NAV3: variants seen among roughly 807,000 people sequenced by gnomAD.
NAV3 encodes the protein pore membrane and/or filament interacting like protein 1.
Under a neutral mutation model 244.7 loss-of-function variants are expected in NAV3, and 87 were observed. The observed-to-expected ratio is 0.36, with a 90% CI of 0.30 to 0.42. The LOEUF is 0.42. Ranked by LOEUF, NAV3 falls within the 20% of genes least tolerant of loss-of-function variation. NAV3 has a pLI of 1.00. For synonymous variants in NAV3, 1,126 were observed against 1,042.2 expected (o/e 1.08, Z -1.55); for missense variants, 2,663 against 2,893.3 (o/e 0.92, Z 1.83).
At position 78,212,143 on chromosome 12, in the gene NAV3, A is replaced by T. The variant is rs963269469; in HGVS notation, c.*1626A>T. On this transcript the variant is annotated 3_prime_UTR_variant, in exon 40 of 40. Transcript: ENST00000397909. ...TGCTTCAAAACTGTACATGAAGCCA[A>T]TATATTTTTGGATAAGTAAAACTGT... The T allele has an allele frequency of 1.3e-5, 2 of 152,586 alleles. No homozygotes were observed. The highest frequency in any genetic ancestry group is 6.6e-5 in the Admixed American group (1 of 15,262). 9.5% of individuals were successfully genotyped at this position (152,586 alleles called of 1,614,324 possible).
intron 2 of NAV3, among the ~76,000 whole-genome samples, chr12:77,664,333 A>G (rs1873616308): frequency 6.6e-6 from 1 of 152,224 alleles, no homozygotes; most frequent in African/African-American, 2.4e-5. Flanking sequence ...TATTCAATGA[A>G]GAATGAGGTA....
At chr12:77,947,570 A>G (rs954830258) in intron 3 of NAV3, 5 of 152,042 alleles carry the variant, frequency 3.3e-5, no homozygotes, top group African/African-American at 1.2e-4. Flanking sequence ...TTGCTAAGTT[A>G]GTCCAGTCAC....
intron 1 of NAV3, among the ~76,000 whole-genome samples, chr12:77,920,632 C>T (rs1212987602): frequency 1.3e-5 from 2 of 152,018 alleles, no homozygotes; most frequent in East Asian, 3.9e-4. Flanking sequence ...CAGGTACAAG[C>T]CTTTGAATTT....
At chr12:77,940,257 G>C (rs1889738061) in intron 1 of NAV3, 62 bp from the exon 2 acceptor site, 9 of 1,211,296 alleles carry the variant, frequency 7.4e-6, no homozygotes, top group Non-Finnish European at 1.1e-5. Flanking sequence ...TTTGTCTTCA[G>C]CATTTTATTG....
chr12:78,086,137 A>G (rs1202958533), intron 12 of NAV3, among the ~76,000 whole-genome samples: 2 of 152,108 alleles, frequency 1.3e-5, no homozygotes, highest in Admixed American at 1.3e-4. Flanking sequence ...TGAGAGGATT[A>G]AATTAGATTA....
intron 2 of NAV3, among the ~76,000 whole-genome samples, chr12:77,595,387 G>A (rs1230963398): frequency 6.6e-6 from 1 of 152,118 alleles, no homozygotes; most frequent in African/African-American, 2.4e-5. Context: ...TGGTTGGGAA[G>A]GTGGGAGAAA....
intron 1 of NAV3, among the ~76,000 whole-genome samples, chr12:77,926,058 C>A (rs1481113003): frequency 6.6e-6 from 1 of 152,004 alleles, no homozygotes; most frequent in African/African-American, 2.4e-5. Context: ...TCTATTGCTC[C>A]CTGTCAACTG....
intron 25 of NAV3, 105 bp downstream of exon 25, chr12:78,175,532 A>G (rs768143789): frequency 3.5e-6 from 5 of 1,423,652 alleles, no homozygotes; most frequent in African/African-American, 2.9e-5. Context: ...AAAGGGTCCC[A>G]TTCAAGCTAC....
chr12:77,651,484 C>A (rs1014655130), intron 2 of NAV3, among the ~76,000 whole-genome samples: 1 of 152,008 alleles, frequency 6.6e-6, no homozygotes, highest in Non-Finnish European at 1.5e-5. Context: ...CATTTAATAG[C>A]CACAGGGATA....
At chr12:77,606,673 A>G (rs1202865314) in intron 2 of NAV3, among the ~76,000 whole-genome samples, 5 of 152,150 alleles carry the variant, frequency 3.3e-5, no homozygotes, top group Admixed American at 2.0e-4. Context: ...CAACAATAAA[A>G]GAATTTGATG....
chr12:78,177,356 A>G (rs767242610), intron 27 of NAV3, 43 bp downstream of exon 27: 1 of 1,580,524 alleles, frequency 6.3e-7, no homozygotes, highest in Admixed American at 1.9e-5. Context: ...TTTTTTAAAA[A>G]CAATTTTAGA....
At chr12:77,865,055 T>C (rs749584581) in intron 1 of NAV3, among the ~76,000 whole-genome samples, 1 of 152,056 alleles carries the variant, frequency 6.6e-6, no homozygotes, top group African/African-American at 2.4e-5. Context: ...AATGTAACCT[T>C]GTAAGATCTA....
chr12:77,883,129 A>G (rs1223430487), intron 1 of NAV3, among the ~76,000 whole-genome samples: 4 of 152,170 alleles, frequency 2.6e-5, no homozygotes, highest in Non-Finnish European at 4.4e-5. Context: ...AAAAAGACAC[A>G]TGCACTCATA....
At chr12:77,689,834 CTT>C (rs1874923923) in intron 2 of NAV3, among the ~76,000 whole-genome samples, 2 of 151,574 alleles carry the variant, frequency 1.3e-5, no homozygotes, top group Non-Finnish European at 3.0e-5. Flanking sequence ...ATTTCATAAA[CTT>C]TAATATTTTA....
At chr12:77,800,693 A>G (rs1480836981) in intron 2 of NAV3, among the ~76,000 whole-genome samples, 2 of 152,180 alleles carry the variant, frequency 1.3e-5, no homozygotes, top group Non-Finnish European at 2.9e-5. Flanking sequence ...GAATTGGCCC[A>G]TATATGTAAG....
At chr12:77,644,936 A>G (rs1267470346) in intron 2 of NAV3, among the ~76,000 whole-genome samples, 1 of 152,192 alleles carries the variant, frequency 6.6e-6, no homozygotes, top group African/African-American at 2.4e-5. Context: ...GTAAGCATAT[A>G]TAATACCAAA....
chr12:77,887,897 T>C (rs1363196113), intron 1 of NAV3, among the ~76,000 whole-genome samples: 1 of 152,174 alleles, frequency 6.6e-6, no homozygotes, highest in Non-Finnish European at 1.5e-5. Flanking sequence ...TAAATCATGT[T>C]ATTGTAATTA....
intron 5 of NAV3, among the ~76,000 whole-genome samples, chr12:77,985,606 ATT>A (rs1303612728): frequency 6.6e-6 from 1 of 151,496 alleles, no homozygotes; most frequent in African/African-American, 2.4e-5. Context: ...TTGAATTGGA[ATT>A]TTCTTTTCAT....
intron 2 of NAV3, among the ~76,000 whole-genome samples, chr12:77,724,727 C>A (rs1379351017): frequency 6.6e-6 from 1 of 150,800 alleles, no homozygotes; most frequent in Non-Finnish European, 1.5e-5. Flanking sequence ...TGACCATGGG[C>A]AAAAAAAGCA....
Sources: gnomAD v4.1 joint callset for allele counts (sites outside exome capture counted in the v4.1 genomes callset) on GRCh38, gnomAD v4.1.1 for gene constraint, MANE v1.5 for transcripts, NCBI Gene and HGNC (gene_info 2026-07-23, HGNC 2026-07-21) for gene names.